The following GSE1 variants were observed in gnomAD, a reference collection of about 807,000 sequenced individuals.
GSE1 encodes Gse1 coiled-coil protein.
Under a neutral mutation model 112.6 loss-of-function variants are expected in GSE1, and 32 were observed. The ratio of observed to expected loss-of-function variants is 0.28; its 90% confidence interval spans 0.21 to 0.38. The LOEUF (loss-of-function observed/expected upper bound fraction) is 0.38, where lower values mean the gene tolerates loss of function less well. GSE1 is among the 10% of genes least tolerant of loss of function. The probability of loss-of-function intolerance (pLI) is 1.00; values close to 1 mark genes in which losing one functional copy is unlikely to be tolerated. For synonymous variants in GSE1, 1,115 were observed against 735.6 expected, an observed-to-expected ratio of 1.52 and a Z score of -8.35; for missense variants, 2,348 against 1,699.2, an observed-to-expected ratio of 1.38 and a Z score of -6.71.
intron 1 of GSE1, among the ~76,000 whole-genome samples, chr16:85,208,907 G>GGTTTGCCGTGTGTTGGT (rs924591055): frequency 6.8e-6 from 1 of 147,532 alleles, no homozygotes; most frequent in Non-Finnish European, 1.5e-5. Flanking sequence ...CGTGTGTTGG[G>GGTTTGCCGTGTGTTGGT]GTTTGCCACG....
chr16:85,662,833 C>T, intron 9 of GSE1, 148 bp from the exon 10 acceptor site: 2 of 614,750 alleles, frequency 3.3e-6, no homozygotes, highest in Non-Finnish European at 5.8e-6. Flanking sequence ...TTGGTTTCCA[C>T]CTCGGTTGAA....
chr16:85,216,998 C>T (rs916240896), intron 1 of GSE1, among the ~76,000 whole-genome samples: 15 of 152,280 alleles, frequency 9.9e-5, no homozygotes, highest in Non-Finnish European at 1.8e-4. Context: ...GATGAAGGAG[C>T]GGGGCGCTGT....
chr16:85,194,860 G>T (rs778527736), intron 1 of GSE1, among the ~76,000 whole-genome samples: 1 of 152,146 alleles, frequency 6.6e-6, no homozygotes, highest in Non-Finnish European at 1.5e-5. Flanking sequence ...AAGGTGCCTA[G>T]GTCTGTGTAT....
In GSE1 at chr16:85,489,077, C is replaced by G. The variant is rs538630243; in HGVS notation, c.2464+131434C>G. 5.9e-5 allele frequency among the ~76,000 whole-genome samples: 9 copies of G among 152,290 alleles called. No homozygotes were observed. The South Asian group carries it at 1.0e-3, about 18-fold the overall frequency. ...ACCTTTCTGTCATGCTGGGAAGTAT[C>G]CATGTCTGCAGCGTCCCGTGTGCTA... On this transcript the variant is annotated intron_variant, in intron 2 of 2. Coordinates refer to the GSE1 transcript ENST00000637419.
At chr16:85,672,086 C>T in intron 15 of GSE1, 1 of 304,040 alleles carries the variant, frequency 3.3e-6, no homozygotes, top group South Asian at 2.7e-5. Flanking sequence ...GCAACCTCCG[C>T]CTCCTGGGTT....
At chr16:85,556,407 G>T in intron 1 of GSE1, 1 of 951,658 alleles carries the variant, frequency 1.1e-6, no homozygotes, top group South Asian at 4.9e-5. Context: ...CGGCGCCGGC[G>T]CGCCCGGGAC....
intron 1 of GSE1, among the ~76,000 whole-genome samples, chr16:85,232,702 G>A (rs1904300238): frequency 2.0e-5 from 3 of 152,214 alleles, no homozygotes; most frequent in African/African-American, 7.2e-5. Flanking sequence ...ACAGTCTCCT[G>A]CCACTGTATG....
chr16:85,514,515 T>G (rs1202628140), intron 2 of GSE1, among the ~76,000 whole-genome samples: 1 of 148,856 alleles, frequency 6.7e-6, no homozygotes, highest in African/African-American at 2.4e-5. Flanking sequence ...CGGGCTTGGC[T>G]GTGTAGCCCC....
chr16:85,256,116 C>T (rs762918997), intron 1 of GSE1, among the ~76,000 whole-genome samples: 4 of 151,714 alleles, frequency 2.6e-5, no homozygotes, highest in Admixed American at 6.6e-5. Flanking sequence ...GAAACAGTGC[C>T]GGTTTTTCTG....
chr16:85,324,766 G>A (rs1209284968), intron 1 of GSE1, among the ~76,000 whole-genome samples: 2 of 152,070 alleles, frequency 1.3e-5, no homozygotes, highest in Non-Finnish European at 2.9e-5. Context: ...GACAGGAAGC[G>A]GATGAGTGGC....
intron 3 of GSE1, among the ~76,000 whole-genome samples, chr16:85,651,347 C>T (rs934194665): frequency 5.9e-5 from 9 of 151,964 alleles, no homozygotes; most frequent in South Asian, 2.1e-4. Context: ...GCCAGCCAGA[C>T]GGAAGCCACA....
At chr16:85,534,880 G>C (rs1241068155) in intron 2 of GSE1, among the ~76,000 whole-genome samples, 5 of 152,208 alleles carry the variant, frequency 3.3e-5, no homozygotes, top group Admixed American at 3.3e-4. Context: ...TTAGCGATTT[G>C]TTGGTCCAGT....
At chr16:85,594,540 C>G (rs550589402) in intron 1 of GSE1, 1 of 152,278 alleles carries the variant, frequency 6.6e-6, no homozygotes, top group Non-Finnish European at 1.5e-5. Context: ...CACGCATACA[C>G]GCACACATTC....
chr16:85,482,757 C>A (rs1474613103), intron 2 of GSE1, among the ~76,000 whole-genome samples: 3 of 152,200 alleles, frequency 2.0e-5, no homozygotes, highest in African/African-American at 7.2e-5. Context: ...GAGGGCGGAT[C>A]ACCTGAGGTC....
intron 2 of GSE1, among the ~76,000 whole-genome samples, chr16:85,539,041 C>A (rs1208049825): frequency 3.3e-5 from 5 of 152,230 alleles, no homozygotes; most frequent in African/African-American, 1.2e-4. Flanking sequence ...ACAGTGCCAG[C>A]CCCGCGGGGC....
intron 1 of GSE1, among the ~76,000 whole-genome samples, chr16:85,619,726 G>A (rs1402000874): frequency 6.6e-6 from 1 of 152,112 alleles, no homozygotes; most frequent in African/African-American, 2.4e-5. Context: ...TGTGCGTCAG[G>A]CGTGGTGGGG....
chr16:85,671,392 A>AT (rs1598731498), intron 15 of GSE1, among the ~76,000 whole-genome samples: 1 of 138,966 alleles, frequency 7.2e-6, no homozygotes, highest in East Asian at 2.3e-4. Flanking sequence ...GTGAGCCGAG[A>AT]TTGCGCCACT....
At chr16:85,273,758 C>T (rs1246929021) in intron 1 of GSE1, among the ~76,000 whole-genome samples, 4 of 151,464 alleles carry the variant, frequency 2.6e-5, no homozygotes, top group African/African-American at 7.3e-5. Flanking sequence ...GGTGCGATCT[C>T]GGCTCACTGC....
At position 85,656,428 on chromosome 16, in the gene GSE1, A is replaced by AAGGAACGTGAGC. The variant is rs927508264; in HGVS notation, c.1076_1087dup (p.Glu362_Arg363insGlnGluArgGlu). ...GCGTGAGGCTGACCGCGAGCGGGAG[A>AAGGAACGTGAGC]AGGAACGTGAGCGCGAACGCGAGAA... On this transcript the variant is annotated inframe_insertion, in exon 7 of 16. Coordinates refer to ENST00000253458, the MANE Select transcript of GSE1 (RefSeq NM_014615.5). The AAGGAACGTGAGC allele has an allele frequency of 4.5e-6, 7 of 1,566,350 alleles. No individual in the cohort carries two copies. Among genetic ancestry groups the AAGGAACGTGAGC allele is most frequent in the Non-Finnish European group, 5.2e-6 (6 of 1,152,154 alleles).
Sources: gnomAD v4.1 joint callset for allele counts (sites outside exome capture counted in the v4.1 genomes callset) on GRCh38, gnomAD v4.1.1 for gene constraint, MANE v1.5 for transcripts, NCBI Gene and HGNC (gene_info 2026-07-23, HGNC 2026-07-21) for gene names.